The following BMAL1 variants were observed in gnomAD, a reference collection of about 807,000 sequenced individuals.
BMAL1 encodes basic helix-loop-helix ARNT-like protein 1.
At chr11:13,340,871 T>C in the BMAL1 span, among the ~76,000 whole-genome samples, 15 of 152,294 alleles carry the variant, frequency 9.8e-5, no homozygotes, top group African/African-American at 3.6e-4. Context: ...TGCTAGGTGT[T>C]TTCTTCTATT....
the BMAL1 span, among the ~76,000 whole-genome samples, chr11:13,277,443 G>A: frequency 6.6e-6 from 1 of 152,200 alleles, no homozygotes; most frequent in Non-Finnish European, 1.5e-5. Context: ...AACCCAGGGA[G>A]CGCGCGCGGA....
the BMAL1 span, among the ~76,000 whole-genome samples, chr11:13,328,629 T>C: frequency 6.6e-6 from 1 of 152,232 alleles, no homozygotes; most frequent in African/African-American, 2.4e-5. Flanking sequence ...ATGCTGCCAG[T>C]GTCCTCTGTA....
At chr11:13,325,479 A>C in the BMAL1 span, among the ~76,000 whole-genome samples, 3 of 151,068 alleles carry the variant, frequency 2.0e-5, no homozygotes, top group East Asian at 5.8e-4. Context: ...AAGAATACCT[A>C]GACTGTGCTC....
chr11:13,314,561 CTT>C, the BMAL1 span, among the ~76,000 whole-genome samples: 2 of 152,116 alleles, frequency 1.3e-5, no homozygotes, highest in Non-Finnish European at 2.9e-5. Flanking sequence ...TTGCCCCTGA[CTT>C]TTTATTTTTT....
chr11:13,339,569 A>G, the BMAL1 span, among the ~76,000 whole-genome samples: 6 of 152,034 alleles, frequency 3.9e-5, no homozygotes, highest in Non-Finnish European at 8.8e-5. Flanking sequence ...AGGCCCCCAC[A>G]CCTGGCCCTC....
the BMAL1 span, among the ~76,000 whole-genome samples, chr11:13,318,380 C>A: frequency 5.4e-4 from 82 of 151,998 alleles, no homozygotes; most frequent in Non-Finnish European, 1.9e-4. Context: ...TCCTCATTAA[C>A]AATTTTTAAA....
chr11:13,294,109 A>C, the BMAL1 span, among the ~76,000 whole-genome samples: 1 of 152,072 alleles, frequency 6.6e-6, no homozygotes, highest in Non-Finnish European at 1.5e-5. Context: ...TGGAATAATC[A>C]GTTTTATTTC....
At chr11:13,382,076 A>C in the BMAL1 span, among the ~76,000 whole-genome samples, 3 of 152,050 alleles carry the variant, frequency 2.0e-5, no homozygotes, top group Non-Finnish European at 2.9e-5. Flanking sequence ...AGCTCCTCGG[A>C]GGTTTGTTCA....
chr11:13,324,710 A>C, the BMAL1 span, among the ~76,000 whole-genome samples: 1 of 152,160 alleles, frequency 6.6e-6, no homozygotes, highest in African/African-American at 2.4e-5. Flanking sequence ...TGCATTCAGC[A>C]CTCTAGGGCC....
At chr11:13,366,310 T>A in the BMAL1 span, among the ~76,000 whole-genome samples, 2 of 152,146 alleles carry the variant, frequency 1.3e-5, no homozygotes, top group African/African-American at 2.4e-5. Flanking sequence ...GCATATGATA[T>A]GCGTGACTTG....
the BMAL1 span, among the ~76,000 whole-genome samples, chr11:13,314,931 A>G: frequency 6.6e-6 from 1 of 152,158 alleles, no homozygotes; most frequent in African/African-American, 2.4e-5. Flanking sequence ...TTTGCATGGG[A>G]GCTAGCACAA....
chr11:13,327,920 G>C, the BMAL1 span, among the ~76,000 whole-genome samples: 21 of 15,604 alleles, frequency 1.3e-3, no homozygotes, highest in Non-Finnish European at 2.8e-3. Flanking sequence ...GTGCTCTTTT[G>C]TCATTGTGCT....
chr11:13,351,034 AC>A, the BMAL1 span, among the ~76,000 whole-genome samples: 2 of 152,282 alleles, frequency 1.3e-5, no homozygotes, highest in South Asian at 4.1e-4. Flanking sequence ...TGGTACTTAG[AC>A]CCTGATGGAG....
chr11:13,354,201 C>CCCCCCCCCCCCCCCCACCCCCCCA, the BMAL1 span: 1 of 616,122 alleles, frequency 1.6e-6, no homozygotes, highest in Non-Finnish European at 2.5e-6. Context: ...CCCCCCCCGG[C>CCCCCCCCCCCCCCCCACCCCCCCA]CCCCCACCAC....
chr11:13,386,657 T>C, the BMAL1 span: 5 of 1,614,182 alleles, frequency 3.1e-6, no homozygotes, highest in South Asian at 1.1e-5. Context: ...GTAGTCCCAG[T>C]AATGATGAGG....
the BMAL1 span, chr11:13,356,826 C>G: frequency 6.2e-7 from 1 of 1,613,678 alleles, no homozygotes; most frequent in Non-Finnish European, 8.5e-7. Flanking sequence ...TAGCCATTTT[C>G]TTTGCACTGT....
At chr11:13,378,966 G>A in the BMAL1 span, 1 of 152,646 alleles carries the variant, frequency 6.6e-6, no homozygotes, top group Non-Finnish European at 1.5e-5. Flanking sequence ...GCTGTCTTGG[G>A]AGAGACTTCC....
chr11:13,326,856 G>A, the BMAL1 span, among the ~76,000 whole-genome samples: 1 of 151,586 alleles, frequency 6.6e-6, no homozygotes, highest in Non-Finnish European at 1.5e-5. Context: ...GTCTCGCTCT[G>A]TCGCCCAGGC....
chr11:13,320,772 A>T, the BMAL1 span, among the ~76,000 whole-genome samples: 1 of 152,228 alleles, frequency 6.6e-6, no homozygotes, highest in Non-Finnish European at 1.5e-5. Flanking sequence ...GAGATGAATC[A>T]TGAACAATGT....
Sources: allele counts gnomAD v4.1 joint callset (sites outside exome capture counted in the v4.1 genomes callset), GRCh38; gene constraint gnomAD v4.1.1; transcripts MANE v1.5; gene names NCBI Gene and HGNC (gene_info 2026-07-23, HGNC 2026-07-21).